Variants in N4BP2L2 observed in about 807,000 individuals in gnomAD.
The protein encoded by N4BP2L2 is NEDD4-binding protein 2-like 2.
A neutral mutation model predicts 56.2 loss-of-function variants in N4BP2L2; 50 were observed. That is an observed-to-expected ratio of 0.89 (90% CI 0.71 to 1.13). The LOEUF is 1.13. Among genes scored for constraint, N4BP2L2 ranks in the 50% most tolerant of loss-of-function variants. The probability of loss-of-function intolerance (pLI) is 0.00; values close to 1 mark genes in which losing one functional copy is unlikely to be tolerated. For missense variants in N4BP2L2, 689 were observed against 693.8 expected, an observed-to-expected ratio of 0.99 and a Z score of 0.08; for synonymous variants, 203 against 223.6, an observed-to-expected ratio of 0.91 and a Z score of 0.82.
intron 6 of N4BP2L2, among the ~76,000 whole-genome samples, chr13:32,479,701 G>A (rs1443514038): frequency 6.6e-6 from 1 of 151,344 alleles, no homozygotes; most frequent in Non-Finnish European, 1.5e-5. Context: ...AACAAACAAG[G>A]TCGTGAGTTA....
exon 7 of N4BP2L2, chr13:32,443,020 C>T (rs577599324): frequency 3.1e-5 from 50 of 1,612,828 alleles, no homozygotes; most frequent in East Asian, 2.0e-4. Flanking sequence ...TACACCGATA[C>T]GACTCTGTCC....
chr13:32,517,770 A>G (rs1300922761), exon 6 of N4BP2L2: 5 of 1,606,786 alleles, frequency 3.1e-6, no homozygotes, highest in Non-Finnish European at 4.2e-6. Flanking sequence ...TTTCAAGTGC[A>G]ACAACAAATG....
At chr13:32,443,629 T>C (rs1025061569) in exon 7 of N4BP2L2, 3 of 1,611,390 alleles carry the variant, frequency 1.9e-6, no homozygotes, top group Non-Finnish European at 2.5e-6. Context: ...TGCTATGGTA[T>C]GCCTATTTCT....
At chr13:32,442,119 C>T (rs1319713307) in intron 7 of N4BP2L2, among the ~76,000 whole-genome samples, 1 of 152,116 alleles carries the variant, frequency 6.6e-6, no homozygotes, top group Non-Finnish European at 1.5e-5. Flanking sequence ...CCTGCTTCAT[C>T]CTCCATTCTT....
At chr13:32,535,830 A>G (rs2056419347) in exon 2 of N4BP2L2, 1 of 1,613,966 alleles carries the variant, frequency 6.2e-7, no homozygotes. Flanking sequence ...AACTTCTGCA[A>G]TTTATTTAAC....
At chr13:32,484,001 A>AAG (rs1555260130) in intron 6 of N4BP2L2, among the ~76,000 whole-genome samples, 13 of 151,474 alleles carry the variant, frequency 8.6e-5, no homozygotes, top group African/African-American at 2.7e-4. Flanking sequence ...AAAAAAAAAA[A>AAG]AAAAGAAAAG....
At chr13:32,452,867 C>T (rs920379746) in intron 6 of N4BP2L2, among the ~76,000 whole-genome samples, 4 of 152,080 alleles carry the variant, frequency 2.6e-5, no homozygotes, top group African/African-American at 9.7e-5. Flanking sequence ...CAGTTCCATT[C>T]AACATTGTAT....
Position 32,536,846 on chromosome 13 carries a change from T to TG in N4BP2L2, c.181_182insC (p.Asp61AlafsTer6), listed in dbSNP as rs746787631. On this transcript the variant is annotated frameshift_variant, in exon 2 of 6. Transcript: ENST00000267068. LOFTEE classifies it high-confidence loss of function. ...CTGCAAATAACTATGTCCTCTGACA[T>TG]CAATGATGGTCACAGGGACCCAATC... 36 of 1,613,962 alleles carry TG rather than the reference T, an allele frequency of 2.2e-5. No individual in the cohort carries two copies. Among genetic ancestry groups the TG allele is most frequent in the Non-Finnish European group, 2.9e-5 (34 of 1,179,974 alleles).
intron 2 of N4BP2L2, among the ~76,000 whole-genome samples, chr13:32,534,021 T>C (rs971104944): frequency 6.6e-6 from 1 of 152,194 alleles, no homozygotes; most frequent in African/African-American, 2.4e-5. Context: ...ACTATAATTT[T>C]ATTGCTAGTT....
exon 6 of N4BP2L2, chr13:32,513,119 A>G (rs961721667): frequency 3.9e-5 from 6 of 152,168 alleles, no homozygotes; most frequent in African/African-American, 1.4e-4. Flanking sequence ...ACACCACTCA[A>G]TGTAGTCTAA....
At chr13:32,520,314 T>TA (rs2050453831) in intron 5 of N4BP2L2, among the ~76,000 whole-genome samples, 1 of 147,546 alleles carries the variant, frequency 6.8e-6, no homozygotes, top group Non-Finnish European at 1.5e-5. Flanking sequence ...AGTTGTTACC[T>TA]AAAAACGGGT....
intron 6 of N4BP2L2, among the ~76,000 whole-genome samples, chr13:32,476,613 A>G (rs984203167): frequency 6.6e-6 from 1 of 152,200 alleles, no homozygotes; most frequent in African/African-American, 2.4e-5. Flanking sequence ...TTTTTATCCA[A>G]GGGCTCAAAA....
intron 6 of N4BP2L2, among the ~76,000 whole-genome samples, chr13:32,449,294 C>A (rs934744272): frequency 4.6e-5 from 7 of 152,134 alleles, no homozygotes; most frequent in Non-Finnish European, 1.0e-4. Context: ...ACATGAAGTG[C>A]TAAACAGCTG....
At chr13:32,522,733 G>A (rs2051108277) in intron 3 of N4BP2L2, 1 of 152,222 alleles carries the variant, frequency 6.6e-6, no homozygotes, top group African/African-American at 2.4e-5. Context: ...ATAGAGCTGG[G>A]GAAGACTTAT....
At chr13:32,520,475 G>A (rs899070639) in intron 5 of N4BP2L2, among the ~76,000 whole-genome samples, 10 of 151,872 alleles carry the variant, frequency 6.6e-5, no homozygotes, top group African/African-American at 2.2e-4. Context: ...TGGCTAACAC[G>A]GTGAAACCCC....
At chr13:32,446,168 G>A (rs1034299304) in intron 6 of N4BP2L2, among the ~76,000 whole-genome samples, 1 of 152,168 alleles carries the variant, frequency 6.6e-6, no homozygotes, top group African/African-American at 2.4e-5. Context: ...CAATAGGTAG[G>A]ACACATGAAA....
chr13:32,538,635 C>T lies in N4BP2L2; in HGVS notation c.-18G>A, dbSNP rs1454630978. 2 of 985,448 alleles carry T rather than the reference C, an allele frequency of 2.0e-6. No homozygotes were observed. The highest frequency in any genetic ancestry group is 2.4e-6 in the Non-Finnish European group (2 of 830,016). 61.0% of individuals were successfully genotyped at this position (985,448 alleles called of 1,614,324 possible). A position where few individuals can be genotyped will look rare whatever the true frequency, so the allele number is the denominator to read the frequency against. On this transcript the variant is annotated 5_prime_UTR_variant, in exon 1 of 6. An upstream start codon of the reference 5' UTR is lost. Coordinates refer to ENST00000267068, the Ensembl canonical transcript of N4BP2L2. ...CTACTCACCTTACTCTACCCCTACG[C>T]ATTGACCTTTACCTCCCAATAAAAC... is the stretch of plus-strand genomic sequence containing the variant.
intron 5 of N4BP2L2, 33 bp downstream of exon 5, chr13:32,521,340 G>C (rs757432608): frequency 7.6e-6 from 11 of 1,440,026 alleles, no homozygotes; most frequent in Middle Eastern, 1.9e-4. Flanking sequence ...AAGAAGAAAA[G>C]TTAAGGATTC....
chr13:32,466,783 G>A (rs1435843357), intron 6 of N4BP2L2, among the ~76,000 whole-genome samples: 1 of 152,090 alleles, frequency 6.6e-6, no homozygotes, highest in African/African-American at 2.4e-5. Flanking sequence ...CCTGGGTAGT[G>A]GTAACATAGA....
Sources: allele counts gnomAD v4.1 joint callset (sites outside exome capture counted in the v4.1 genomes callset), GRCh38; gene constraint gnomAD v4.1.1; transcripts MANE v1.5; gene names NCBI Gene and HGNC (gene_info 2026-07-23, HGNC 2026-07-21).